SPAG16: variants seen among roughly 807,000 people sequenced by gnomAD.
The protein encoded by SPAG16 is sperm-associated antigen 16 protein.
A neutral mutation model predicts 80.4 loss-of-function variants in SPAG16; 86 were observed. That is an observed-to-expected ratio of 1.07 (90% CI 0.90 to 1.28). SPAG16 has a LOEUF of 1.28. SPAG16 is among the 50% of genes most tolerant of loss of function. The pLI is 0.00. For missense variants in SPAG16, 870 were observed against 765.3 expected, an observed-to-expected ratio of 1.14 and a Z score of -1.61; for synonymous variants, 294 against 265.9, an observed-to-expected ratio of 1.11 and a Z score of -1.03.
chr2:214,121,989 C>A (rs1442598986), intron 14 of SPAG16, among the ~76,000 whole-genome samples: 1 of 151,682 alleles, frequency 6.6e-6, no homozygotes, highest in East Asian at 1.9e-4. Context: ...GCATACTCAA[C>A]CTGTACTATT....
intron 9 of SPAG16, among the ~76,000 whole-genome samples, chr2:213,396,031 T>C (rs2068018117): frequency 6.6e-6 from 1 of 152,134 alleles, no homozygotes; most frequent in African/African-American, 2.4e-5. Context: ...GACTTTCTTT[T>C]ATGTTTCACT....
In SPAG16 at chr2:213,326,951, C is replaced by T. The variant is rs185479817; in HGVS notation, c.536+9595C>T. Among the ~76,000 whole-genome samples the T allele has an allele frequency of 3.2e-3, 482 of 151,830 alleles. 1 individual carries two copies. Among genetic ancestry groups the T allele is most frequent in the Non-Finnish European group, 5.6e-3 (383 of 67,806 alleles). ...GTTTTGGGGCAATAATTTTATAGTT[C>T]GATAAGAATATCTGTACCTTAATAT... On this transcript the variant is annotated intron_variant, in intron 5 of 15. Coordinates refer to ENST00000331683, the MANE Select transcript of SPAG16 (RefSeq NM_024532.5).
chr2:214,088,553 A>G (rs2051942664), intron 13 of SPAG16, among the ~76,000 whole-genome samples: 1 of 152,186 alleles, frequency 6.6e-6, no homozygotes, highest in Non-Finnish European at 1.5e-5. Context: ...CTTCCAAAAT[A>G]TGAAAGGCCA....
At chr2:213,368,562 C>T (rs1375323854) in intron 8 of SPAG16, among the ~76,000 whole-genome samples, 1 of 152,036 alleles carries the variant, frequency 6.6e-6, no homozygotes, top group Admixed American at 6.5e-5. Flanking sequence ...AAGTTCTGGC[C>T]AGGGCAATTA....
At chr2:213,673,163 G>A (rs1003344620) in intron 10 of SPAG16, among the ~76,000 whole-genome samples, 3 of 151,970 alleles carry the variant, frequency 2.0e-5, no homozygotes, top group African/African-American at 7.3e-5. Context: ...AAAATTATCA[G>A]ACTGCCACAG....
At chr2:213,869,866 T>C (rs2075880856) in intron 11 of SPAG16, among the ~76,000 whole-genome samples, 1 of 152,306 alleles carries the variant, frequency 6.6e-6, no homozygotes, top group African/African-American at 2.4e-5. Context: ...TAATATTTAA[T>C]CAACTAATGT....
At chr2:213,672,281 A>G (rs1331248754) in intron 10 of SPAG16, among the ~76,000 whole-genome samples, 1 of 151,762 alleles carries the variant, frequency 6.6e-6, no homozygotes, top group African/African-American at 2.4e-5. Flanking sequence ...AGTCCCTATC[A>G]AGCTAGATAT....
intron 10 of SPAG16, among the ~76,000 whole-genome samples, chr2:213,622,514 C>A (rs999746646): frequency 6.6e-6 from 1 of 152,220 alleles, no homozygotes; most frequent in African/African-American, 2.4e-5. Context: ...CAATTAAAAC[C>A]TCCTTCCTTG....
At chr2:214,144,402 T>C (rs2055526087) in intron 14 of SPAG16, among the ~76,000 whole-genome samples, 1 of 144,170 alleles carries the variant, frequency 6.9e-6, no homozygotes, top group African/African-American at 2.7e-5. Flanking sequence ...TGGCATAAAT[T>C]TTTCCATGTT....
chr2:214,081,942 A>G (rs1303178672), intron 13 of SPAG16, among the ~76,000 whole-genome samples: 2 of 152,090 alleles, frequency 1.3e-5, no homozygotes, highest in African/African-American at 4.8e-5. Context: ...TTAGAACTCA[A>G]GAGAGCTGGG....
At chr2:214,159,977 T>A (rs2056374216) in intron 15 of SPAG16, among the ~76,000 whole-genome samples, 1 of 152,002 alleles carries the variant, frequency 6.6e-6, no homozygotes, top group South Asian at 2.1e-4. Context: ...AAGCCTACTA[T>A]ATGCCAGGCA....
intron 15 of SPAG16, among the ~76,000 whole-genome samples, chr2:214,331,706 G>C (rs1696929801): frequency 6.6e-6 from 1 of 152,176 alleles, no homozygotes; most frequent in African/African-American, 2.4e-5. Flanking sequence ...GGCCATCCCA[G>C]AGCTTTCTCA....
intron 7 of SPAG16, among the ~76,000 whole-genome samples, chr2:213,360,051 G>A (rs777898167): frequency 6.6e-6 from 1 of 152,168 alleles, no homozygotes; most frequent in Non-Finnish European, 1.5e-5. Flanking sequence ...AACCAAATCT[G>A]CTGTTGAAGG....
chr2:214,049,890 C>T (rs2049547797), intron 13 of SPAG16, among the ~76,000 whole-genome samples: 2 of 152,088 alleles, frequency 1.3e-5, no homozygotes, highest in African/African-American at 4.8e-5. Flanking sequence ...ATAGAAACGT[C>T]ATTTGAAAAA....
At chr2:214,369,231 T>TGGCAACCTCTC (rs1425050854) in intron 15 of SPAG16, among the ~76,000 whole-genome samples, 1 of 152,076 alleles carries the variant, frequency 6.6e-6, no homozygotes, top group Non-Finnish European at 1.5e-5. Flanking sequence ...GCACACCTCT[T>TGGCAACCTCTC]GGCAACCTCT....
chr2:214,035,471 CTTG>C (rs926345763), intron 13 of SPAG16, among the ~76,000 whole-genome samples: 3 of 152,210 alleles, frequency 2.0e-5, no homozygotes, highest in African/African-American at 7.2e-5. Flanking sequence ...CCCTCACATA[CTTG>C]TTGGTGCCCA....
chr2:213,484,687 G>A (rs1017520481), intron 9 of SPAG16, among the ~76,000 whole-genome samples: 5 of 151,754 alleles, frequency 3.3e-5, no homozygotes, highest in African/African-American at 1.2e-4. Flanking sequence ...AATTTAAATG[G>A]TCAGTGATTA....
chr2:213,422,395 A>T, intron 9 of SPAG16: 1 of 661,156 alleles, frequency 1.5e-6, no homozygotes, highest in South Asian at 1.7e-5. Flanking sequence ...AGCAGCTGGC[A>T]TGCCTGGCTG....
rs535743589 is a variant in SPAG16, at chr2:213,864,077, T to A, written c.1214+1449T>A. ...AGAATTAATAAAAAAGAAAAAATGA[T>A]CATTAGAAACAACAACAAAAAAAGC... On this transcript the variant is annotated intron_variant, in intron 11 of 15. Coordinates refer to ENST00000331683, the MANE Select transcript of SPAG16 (RefSeq NM_024532.5). 1.5e-3 allele frequency among the ~76,000 whole-genome samples: 234 copies of A among 152,232 alleles called. 2 individuals are homozygous for A. Among genetic ancestry groups the A allele is most frequent in the African/African-American group, 5.4e-3 (224 of 41,550 alleles).
Sources: allele counts gnomAD v4.1 joint callset (sites outside exome capture counted in the v4.1 genomes callset), GRCh38; gene constraint gnomAD v4.1.1; transcripts MANE v1.5; gene names NCBI Gene and HGNC (gene_info 2026-07-23, HGNC 2026-07-21).